The following KALRN variants were observed in gnomAD, a reference collection of about 807,000 sequenced individuals.
The protein encoded by KALRN is kalirin.
In KALRN, 70 loss-of-function variants were observed where a neutral mutation model predicts 353.7. The ratio of observed to expected loss-of-function variants is 0.20; its 90% CI spans 0.16 to 0.24. The LOEUF (loss-of-function observed/expected upper bound fraction) is 0.24. Ranked by LOEUF, KALRN falls within the 10% of genes least tolerant of loss-of-function variation. The pLI is 1.00. For missense variants in KALRN, 2,791 were observed against 3,756.7 expected (o/e 0.74, Z 6.72); for synonymous variants, 1,391 against 1,434.8 (o/e 0.97, Z 0.69).
At chr3:124,073,319 G>A (rs2060110368) in intron 1 of KALRN, among the ~76,000 whole-genome samples, 1 of 152,156 alleles carries the variant, frequency 6.6e-6, no homozygotes, top group Admixed American at 6.5e-5. Context: ...GCAGTAAATG[G>A]CCCACTCCTT....
At chr3:124,377,527 G>A (rs561098289) in intron 10 of KALRN, among the ~76,000 whole-genome samples, 4 of 152,230 alleles carry the variant, frequency 2.6e-5, no homozygotes, top group Admixed American at 2.0e-4. Context: ...TTCAGCTGTT[G>A]GGGTGGGGGT....
rs71145458 is a variant in KALRN at position 124,580,947 on chromosome 3, A to AAATAATAATAGTAATAATAATAATAAT, written c.5182+17868_5182+17869insGTAATAATAATAATAATAATAATAATA. Among the ~76,000 whole-genome samples the AAATAATAATAGTAATAATAATAATAAT allele has an allele frequency of 9.7e-4, 143 of 147,596 alleles. 1 individual carries two copies. The South Asian group carries it at 0.014, about 15-fold the overall frequency. On this transcript the variant is annotated intron_variant, in intron 34 of 59. Coordinates refer to ENST00000682506, the MANE Select transcript of KALRN (RefSeq NM_001388419.1). Reference sequence around the variant, plus strand: ...ACATGGCAAAACCCTGTCTCTATTAAAATAATAATAATAATAATAATAATA... The same window carrying AAATAATAATAGTAATAATAATAATAAT: ...ACATGGCAAAACCCTGTCTCTATTAAAATAATAATAGTAATAATAATAATAATAATAATAATAATAATAATAATAATA...
chr3:124,351,180 C>A (rs998313722), intron 10 of KALRN, among the ~76,000 whole-genome samples: 5 of 152,096 alleles, frequency 3.3e-5, no homozygotes, highest in African/African-American at 9.7e-5. Flanking sequence ...AGATGATGGC[C>A]ACTGGGAGAA....
chr3:124,550,937 C>T (rs1349019107), intron 33 of KALRN, among the ~76,000 whole-genome samples: 1 of 151,972 alleles, frequency 6.6e-6, no homozygotes, highest in African/African-American at 2.4e-5. Flanking sequence ...TGCAGTGAGC[C>T]GAGATCGCAC....
At chr3:124,570,438 G>A (rs115938536) in intron 34 of KALRN, among the ~76,000 whole-genome samples, 1,593 of 152,266 alleles carry the variant, frequency 0.01, 31 homozygotes, top group African/African-American at 0.036. Context: ...AGAAGCAGAA[G>A]TATACATGGG....
At chr3:124,273,744 G>A (rs2074406228) in intron 5 of KALRN, among the ~76,000 whole-genome samples, 1 of 122,996 alleles carries the variant, frequency 8.1e-6, no homozygotes, top group South Asian at 2.4e-4. Flanking sequence ...TGAGCAATCT[G>A]TGGAAACACA....
intron 13 of KALRN, among the ~76,000 whole-genome samples, chr3:124,411,435 T>TTTTTTTTTTTTG (rs2092148324): frequency 4.2e-5 from 1 of 23,790 alleles, no homozygotes; most frequent in Non-Finnish European, 9.8e-5. Flanking sequence ...AAATTATGCT[T>TTTTTTTTTTTTG]TTTTTTTTTT....
intron 1 of KALRN, among the ~76,000 whole-genome samples, chr3:124,130,001 T>A (rs1407913055): frequency 6.6e-6 from 1 of 152,216 alleles, no homozygotes; most frequent in South Asian, 2.1e-4. Context: ...GATAACTGAT[T>A]AACATTTGCC....
At chr3:124,578,421 A>G (rs963546469) in intron 34 of KALRN, among the ~76,000 whole-genome samples, 2 of 152,238 alleles carry the variant, frequency 1.3e-5, no homozygotes, top group African/African-American at 4.8e-5. Flanking sequence ...ACCAGGGAGC[A>G]TGGCAGGCAG....
At chr3:124,452,075 G>A (rs1267028916) in intron 21 of KALRN, among the ~76,000 whole-genome samples, 1 of 152,208 alleles carries the variant, frequency 6.6e-6, no homozygotes, top group Admixed American at 6.5e-5. Context: ...GCCCTCATAA[G>A]ACAAGTTTTT....
intron 9 of KALRN, among the ~76,000 whole-genome samples, chr3:124,343,752 A>G (rs72978413): frequency 0.014 from 2,178 of 152,308 alleles, 46 homozygotes; most frequent in African/African-American, 0.048. Context: ...GGCTGTTGAC[A>G]CTTTTCACCT....
At chr3:124,436,912 G>A (rs2093482856) in intron 17 of KALRN, among the ~76,000 whole-genome samples, 1 of 146,778 alleles carries the variant, frequency 6.8e-6, no homozygotes, top group African/African-American at 2.5e-5. Context: ...TGGGACTAGG[G>A]AAGTCACCTC....
At chr3:124,338,507 GTTA>G (rs2081359480) in intron 9 of KALRN, among the ~76,000 whole-genome samples, 1 of 152,166 alleles carries the variant, frequency 6.6e-6, no homozygotes, top group South Asian at 2.1e-4. Context: ...GAGACTGCTT[GTTA>G]TTATTTCCGT....
At chr3:124,191,203 C>T (rs2074866547) in intron 1 of KALRN, among the ~76,000 whole-genome samples, 1 of 152,178 alleles carries the variant, frequency 6.6e-6, no homozygotes, top group Non-Finnish European at 1.5e-5. Flanking sequence ...CCAGAAGCTC[C>T]CTGAGGCAGT....
intron 1 of KALRN, among the ~76,000 whole-genome samples, chr3:124,197,238 G>C (rs983048671): frequency 6.6e-6 from 1 of 152,084 alleles, no homozygotes; most frequent in African/African-American, 2.4e-5. Context: ...GTTAAACTTT[G>C]TCTCTGTATT....
At chr3:124,525,533 T>G (rs1283784192) in intron 33 of KALRN, among the ~76,000 whole-genome samples, 2 of 152,206 alleles carry the variant, frequency 1.3e-5, no homozygotes, top group Admixed American at 6.5e-5. Flanking sequence ...GGTATGGCAC[T>G]GTCACTCCGA....
At chr3:124,293,288 G>C (rs13085239) in intron 5 of KALRN, among the ~76,000 whole-genome samples, 27,896 of 152,094 alleles carry the variant, frequency 0.18, 2,659 homozygotes, top group South Asian at 0.29. Context: ...TATAATTAGA[G>C]TATAAAATAC....
At chr3:124,054,013 A>G (rs1259073324) in intron 1 of KALRN, among the ~76,000 whole-genome samples, 1 of 152,258 alleles carries the variant, frequency 6.6e-6, no homozygotes, top group Non-Finnish European at 1.5e-5. Context: ...ATATAGGGGT[A>G]AAGTCAGGCT....
intron 47 of KALRN, among the ~76,000 whole-genome samples, chr3:124,670,714 C>A (rs1041934177): frequency 1.3e-5 from 2 of 152,202 alleles, no homozygotes; most frequent in Admixed American, 6.5e-5. Flanking sequence ...AATCGGCCAA[C>A]CTTTGAAGTC....
Sources: allele counts gnomAD v4.1 joint callset (sites outside exome capture counted in the v4.1 genomes callset), GRCh38; gene constraint gnomAD v4.1.1; transcripts MANE v1.5; gene names NCBI Gene and HGNC (gene_info 2026-07-23, HGNC 2026-07-21).